The following SS18 variants were observed in gnomAD, a reference collection of about 807,000 sequenced individuals.
The protein encoded by SS18 is protein SSXT.
SS18 carries 28 observed loss-of-function variants against 72.5 expected under a neutral mutation model. The ratio of observed to expected loss-of-function variants is 0.39; its 90% CI spans 0.29 to 0.53. SS18 has a LOEUF of 0.53. Among genes scored for constraint, SS18 ranks in the 20% least tolerant of loss-of-function variants. The probability of loss-of-function intolerance (pLI) is 0.76; values close to 1 mark genes in which losing one functional copy is unlikely to be tolerated. For missense variants in SS18, 518 were observed against 535.3 expected, an observed-to-expected ratio of 0.97 and a Z score of 0.32; for synonymous variants, 172 against 164.2, an observed-to-expected ratio of 1.05 and a Z score of -0.37.
intron 10 of SS18, among the ~76,000 whole-genome samples, chr18:26,023,849 T>C (rs537502975): frequency 2.5e-4 from 38 of 151,386 alleles, no homozygotes; most frequent in African/African-American, 8.3e-4. Flanking sequence ...AATTTTTTTT[T>C]CCTTATTATT....
intron 10 of SS18, 68 bp from the exon 11 acceptor site, chr18:26,018,448 C>T (rs1393405145): frequency 8.1e-6 from 10 of 1,240,692 alleles, no homozygotes; most frequent in South Asian, 4.1e-5. Flanking sequence ...AGATTACAAA[C>T]GAATCATTTC....
In SS18 at chr18:26,018,633, C is replaced by T. The variant is rs551170282; in HGVS notation, c.1231-253G>A. Among the ~76,000 whole-genome samples the T allele has an allele frequency of 2.0e-5, 3 of 152,248 alleles. No individual in the cohort carries two copies. The East Asian group carries it at 5.8e-4, about 29-fold the overall frequency. On this transcript the variant is annotated intron_variant, in intron 10 of 10. Coordinates refer to ENST00000415083, the MANE Select transcript of SS18 (RefSeq NM_001007559.3). The stretch of plus-strand genomic sequence containing the variant: ...CAAATGAGCCTAGAATAATACTTGT[C>T]AGAGTGGGAACTTAAATGTTTAGTG...
In SS18 at chr18:26,035,823, A is replaced by G; in HGVS notation, c.973+8T>C. ...TATATGTGTATGTGTGTGAAGGTAT[A>G]TAGATACCTCCTTCGTAGTAATGTT... On this transcript the variant is annotated splice_region_variant and intron_variant, in intron 8 of 10. Coordinates refer to ENST00000415083, the MANE Select transcript of SS18 (RefSeq NM_001007559.3). The surrounding 1 kb of genome is among the most constrained non-coding windows in gnomAD (Gnocchi z 4.4). 6.4e-7 allele frequency: 1 copy of G among 1,573,496 alleles called. No homozygotes were observed.
intron 3 of SS18, among the ~76,000 whole-genome samples, chr18:26,065,864 T>C (rs1474468856): frequency 7.1e-6 from 1 of 140,918 alleles, no homozygotes; most frequent in Non-Finnish European, 1.5e-5. Flanking sequence ...TCAGTCTACA[T>C]ACACAGAACT....
At chr18:26,041,909 C>T (rs78470328) in intron 5 of SS18, among the ~76,000 whole-genome samples, 10,890 of 152,134 alleles carry the variant, frequency 0.072, 588 homozygotes, top group East Asian at 0.15. Flanking sequence ...AATTACTACC[C>T]TTCTTTTACT....
At chr18:26,087,683 G>C in intron 1 of SS18, 106 bp from the exon 2 acceptor site, 1 of 660,710 alleles carries the variant, frequency 1.5e-6, no homozygotes, top group East Asian at 2.7e-5. Flanking sequence ...GCTTGTACAA[G>C]AACTCTAAAG....
At position 26,023,459 on chromosome 18, in the gene SS18, TCAAA is replaced by T. The variant is rs563763037; in HGVS notation, c.1231-5083_1231-5080del. Among the ~76,000 whole-genome samples the T allele has an allele frequency of 3.5e-3, 539 of 152,140 alleles. 7 individuals carry two copies. Among genetic ancestry groups the T allele is most frequent in the African/African-American group, 0.012 (519 of 41,542 alleles). On this transcript the variant is annotated intron_variant, in intron 10 of 10. Transcript: ENST00000415083. ...TTGGGCAAGAGAGAAATTTCTTCAA[TCAAA>T]CAATTTGATAAAGGGAAAATCTTAA... is the stretch of plus-strand genomic sequence containing the variant.
chr18:26,079,453 C>A (rs1400941225), intron 2 of SS18, among the ~76,000 whole-genome samples: 1 of 152,062 alleles, frequency 6.6e-6, no homozygotes, highest in African/African-American at 2.4e-5. Context: ...ACTAAAAATG[C>A]TAAATACAAA....
chr18:26,059,422 A>C (rs1375050682), intron 3 of SS18, among the ~76,000 whole-genome samples: 1 of 152,238 alleles, frequency 6.6e-6, no homozygotes, highest in African/African-American at 2.4e-5. Flanking sequence ...TAAAGAATAA[A>C]TTTCCAGAGA....
chr18:26,026,192 C>T (rs946480781), intron 10 of SS18, among the ~76,000 whole-genome samples: 2 of 152,122 alleles, frequency 1.3e-5, no homozygotes, highest in Non-Finnish European at 1.5e-5. Flanking sequence ...GGTGGGGGGT[C>T]TTGCTTTGTT....
intron 5 of SS18, among the ~76,000 whole-genome samples, chr18:26,051,128 G>A (rs553908297): frequency 6.6e-6 from 1 of 151,536 alleles, no homozygotes; most frequent in South Asian, 2.1e-4. Context: ...TTAAGCCCAG[G>A]TGTTCAAGAC....
intron 2 of SS18, chr18:26,084,052 C>G (rs184756987): frequency 6.6e-6 from 1 of 151,838 alleles, no homozygotes; most frequent in South Asian, 2.1e-4. Context: ...GACTACCCAC[C>G]TGCACAGGAA....
At chr18:26,029,000 G>C (rs1220989586) in intron 10 of SS18, among the ~76,000 whole-genome samples, 1 of 152,202 alleles carries the variant, frequency 6.6e-6, no homozygotes, top group East Asian at 1.9e-4. Flanking sequence ...GTCTTACTTA[G>C]GTGGTCAGTG....
rs115269971 is a variant in SS18, at chr18:26,062,469, T to C, written c.232-4727A>G. Among the ~76,000 whole-genome samples the C allele has an allele frequency of 4.1e-3, 629 of 151,962 alleles. 4 individuals are homozygous for C. The highest frequency in any genetic ancestry group is 0.014 in the African/African-American group (597 of 41,464). ...CTGTAAAATTATATGTAAAATCAAA[T>C]AGAAAAAATTATGCTTGATTAAAGA... On this transcript the variant is annotated intron_variant, in intron 3 of 10. Transcript: ENST00000415083.
intron 2 of SS18, chr18:26,084,202 T>C (rs1239163989): frequency 1.3e-5 from 2 of 152,062 alleles, no homozygotes; most frequent in Non-Finnish European, 2.9e-5. Flanking sequence ...AAATAAATAA[T>C]AAAGTAAGAG....
In SS18 at chr18:26,035,793, G is replaced by GGATA. The variant is rs749389543; in HGVS notation, c.973+34_973+37dup. 1 of 1,384,582 alleles carries GGATA rather than the reference G, an allele frequency of 7.2e-7. No homozygotes were observed. The highest frequency in any genetic ancestry group is 2.4e-5 in the East Asian group (1 of 41,850). The allele number at this position is 1,384,582 out of a possible 1,614,324, so 85.8% of individuals were successfully genotyped here. A position where few individuals can be genotyped will look rare whatever the true frequency, so the allele number is the denominator to read the frequency against. ...CAAGAATTTTCATTCCTGTAGAAGGGGATATATATGTGTATGTGTGTGAAG... is the reference window on the plus strand; with the variant it reads ...CAAGAATTTTCATTCCTGTAGAAGGGGATAGATATATATGTGTATGTGTGTGAAG... On this transcript the variant is annotated intron_variant, in intron 8 of 10. Coordinates refer to ENST00000415083, the MANE Select transcript of SS18 (RefSeq NM_001007559.3). The surrounding 1 kb of genome is among the most constrained non-coding windows in gnomAD (Gnocchi z 4.4).
intron 3 of SS18, among the ~76,000 whole-genome samples, chr18:26,060,994 TAAA>T (rs1243183056): frequency 6.7e-6 from 1 of 149,314 alleles, no homozygotes; most frequent in Non-Finnish European, 1.5e-5. Context: ...ACTAAAGACT[TAAA>T]ATAACTGTGA....
At chr18:26,028,456 C>T (rs898905366) in intron 10 of SS18, among the ~76,000 whole-genome samples, 2 of 152,214 alleles carry the variant, frequency 1.3e-5, no homozygotes, top group Non-Finnish European at 2.9e-5. Flanking sequence ...AACCATTCCA[C>T]TCCTAGGTAT....
In SS18 at chr18:26,032,073, A is replaced by T. The variant is rs141315064; in HGVS notation, c.1230+326T>A. ...ACACTCAAAAATGGTAAATATGATAAACTCTCTATCTATACTTTACCTCAG... is the reference window on the plus strand; with the variant it reads ...ACACTCAAAAATGGTAAATATGATATACTCTCTATCTATACTTTACCTCAG... On this transcript the variant is annotated intron_variant, in intron 10 of 10. Coordinates refer to ENST00000415083, the MANE Select transcript of SS18 (RefSeq NM_001007559.3). 4.3e-3 allele frequency among the ~76,000 whole-genome samples: 655 copies of T among 152,202 alleles called. 4 individuals are homozygous for T. Among genetic ancestry groups the T allele is most frequent in the African/African-American group, 0.014 (589 of 41,508 alleles).
Sources: gnomAD v4.1 joint callset for allele counts (sites outside exome capture counted in the v4.1 genomes callset) on GRCh38, gnomAD v4.1.1 for gene constraint, Gnocchi (gnomAD v3.1) non-coding constraint, MANE v1.5 for transcripts, NCBI Gene and HGNC (gene_info 2026-07-23, HGNC 2026-07-21) for gene names.